Variants in SPIDR observed in about 807,000 individuals in gnomAD.
SPIDR encodes the protein DNA repair-scaffolding protein.
A neutral mutation model predicts 104.6 loss-of-function variants in SPIDR; 93 were observed. The ratio of observed to expected loss-of-function variants is 0.89; its 90% CI spans 0.75 to 1.06. The LOEUF is 1.06. Among genes scored for constraint, SPIDR ranks in the 50% least tolerant of loss-of-function variants. The probability of loss-of-function intolerance (pLI) is 0.00; values close to 1 mark genes in which losing one functional copy is unlikely to be tolerated. For missense variants in SPIDR, 1,154 were observed against 1,111.2 expected, an observed-to-expected ratio of 1.04 and a Z score of -0.55; for synonymous variants, 431 against 416.9, an observed-to-expected ratio of 1.03 and a Z score of -0.41.
At chr8:47,422,210 G>A (rs977488134) in intron 7 of SPIDR, among the ~76,000 whole-genome samples, 1 of 152,212 alleles carries the variant, frequency 6.6e-6, no homozygotes, top group Admixed American at 6.5e-5. Context: ...CCCAGAGGTG[G>A]AGTCTACAGA....
Position 47,280,236 on chromosome 8 carries a change from T to TTTTA in SPIDR, c.189+235_189+238dup, listed in dbSNP as rs1308444625. Among the ~76,000 whole-genome samples the TTTTA allele has an allele frequency of 5.2e-4, 78 of 151,404 alleles. No individual in the cohort carries two copies. The Middle Eastern group carries it at 0.01, about 20-fold the overall frequency. Reference sequence around the variant, plus strand: ...CTTTTTATTTTTTATTTTTTTTTTATTTTATTTATTTATTTATTTTTTTTG... The same window carrying TTTTA: ...CTTTTTATTTTTTATTTTTTTTTTATTTTATTTATTTATTTATTTATTTTTTTTG... On this transcript the variant is annotated intron_variant, in intron 2 of 19. Coordinates refer to ENST00000297423, the MANE Select transcript of SPIDR (RefSeq NM_001080394.4).
rs145018788 is a variant in SPIDR, at chr8:47,521,176, A to G, written c.1098-74635A>G. ...TCTGAACCCTTCCTTGTTTCTAGGG[A>G]GCTGTTCCAAGGCAAAGTTGAGGTC... On this transcript the variant is annotated intron_variant, in intron 8 of 19. Coordinates refer to ENST00000297423, the MANE Select transcript of SPIDR (RefSeq NM_001080394.4). Among the ~76,000 whole-genome samples, 463 of 152,278 alleles carry G rather than the reference A, an allele frequency of 3.0e-3. 1 individual carries two copies. Among genetic ancestry groups the G allele is most frequent in the African/African-American group, 0.011 (452 of 41,570 alleles).
intron 10 of SPIDR, among the ~76,000 whole-genome samples, chr8:47,640,028 T>C (rs936156806): frequency 3.9e-5 from 6 of 152,030 alleles, no homozygotes; most frequent in Non-Finnish European, 5.9e-5. Context: ...ACCAGAAATA[T>C]GGCAAGTCAG....
intron 4 of SPIDR, among the ~76,000 whole-genome samples, chr8:47,292,950 G>C (rs1297661339): frequency 6.6e-6 from 1 of 152,062 alleles, no homozygotes; most frequent in Non-Finnish European, 1.5e-5. Flanking sequence ...GAGGGCACTT[G>C]TGTTTTTCCC....
At chr8:47,692,323 A>G (rs1443392838) in intron 11 of SPIDR, among the ~76,000 whole-genome samples, 1 of 151,602 alleles carries the variant, frequency 6.6e-6, no homozygotes, top group Non-Finnish European at 1.5e-5. Flanking sequence ...GGAGCTCCGC[A>G]CTTTCTCTCC....
chr8:47,471,336 A>C (rs1393652257), intron 8 of SPIDR, among the ~76,000 whole-genome samples: 1 of 152,032 alleles, frequency 6.6e-6, no homozygotes, highest in Non-Finnish European at 1.5e-5. Context: ...AAAAAAAAAA[A>C]AAAAAACAGC....
At chr8:47,526,059 C>T (rs774030957) in intron 8 of SPIDR, among the ~76,000 whole-genome samples, 3 of 152,154 alleles carry the variant, frequency 2.0e-5, no homozygotes, top group East Asian at 1.9e-4. Context: ...TGTGTCCTTA[C>T]GAATCTTGTA....
chr8:47,304,880 T>A (rs1037743151), intron 5 of SPIDR, among the ~76,000 whole-genome samples: 1 of 152,228 alleles, frequency 6.6e-6, no homozygotes, highest in African/African-American at 2.4e-5. Flanking sequence ...ATGAATAGAT[T>A]AATATCATTA....
chr8:47,406,998 A>C (rs2062849866), intron 6 of SPIDR, among the ~76,000 whole-genome samples: 1 of 152,254 alleles, frequency 6.6e-6, no homozygotes, highest in African/African-American at 2.4e-5. Flanking sequence ...TATAGCATGT[A>C]GCTATAGTGG....
chr8:47,272,756 G>C (rs2154215600), intron 1 of SPIDR, among the ~76,000 whole-genome samples: 1 of 152,142 alleles, frequency 6.6e-6, no homozygotes, highest in Non-Finnish European at 1.5e-5. Context: ...GAGAAATTAG[G>C]CATGCGGACA....
intron 5 of SPIDR, among the ~76,000 whole-genome samples, chr8:47,305,124 G>A (rs987793181): frequency 6.6e-6 from 1 of 152,202 alleles, no homozygotes; most frequent in African/African-American, 2.4e-5. Context: ...AAAGCAAAGT[G>A]GACTAAGACA....
intron 11 of SPIDR, among the ~76,000 whole-genome samples, chr8:47,695,072 TC>T (rs1425982072): frequency 1.3e-5 from 2 of 152,156 alleles, no homozygotes; most frequent in African/African-American, 4.8e-5. Flanking sequence ...CTGCCTTCAG[TC>T]TGTTGTAATA....
chr8:47,671,151 C>T lies in SPIDR; in HGVS notation c.1545-2650C>T, dbSNP rs143854831. 2.0e-5 allele frequency among the ~76,000 whole-genome samples: 3 copies of T among 152,276 alleles called. No individual in the cohort carries two copies. The East Asian group carries it at 5.8e-4, about 29-fold the overall frequency. ...TCTCGAACTCCTAGACTCAAGTGAT[C>T]CTCTCGCCTCAGCCTCCCAAAGTGC... On this transcript the variant is annotated intron_variant, in intron 10 of 19. Coordinates refer to ENST00000297423, the MANE Select transcript of SPIDR (RefSeq NM_001080394.4).
chr8:47,279,931 G>A lies in SPIDR; in HGVS notation c.103G>A (p.Gly35Ser). 1 of 1,614,138 alleles carries A rather than the reference G, an allele frequency of 6.2e-7. No individual in the cohort carries two copies. Among genetic ancestry groups the A allele is most frequent in the Admixed American group, 1.7e-5 (1 of 60,024 alleles). The change falls in exon 2 of 20, where the codon GGT becomes AGT. Residue 35 changes from glycine to serine, a missense_variant. Transcript: ENST00000297423. ...AAGACCACTGCAGGTCAGAAGAGCA[G>A]GTCTCAGGACAGCAGGGGCAGCTGC... is the stretch of plus-strand genomic sequence containing the variant. ...GERPLQVRRA[G>S]LRTAGAAASL...
intron 10 of SPIDR, 117 bp from the exon 11 acceptor site, chr8:47,673,684 T>A: frequency 7.4e-7 from 1 of 1,357,086 alleles, no homozygotes; most frequent in Non-Finnish European, 1.0e-6. Flanking sequence ...TTTCTTTAAA[T>A]TATATTGACC....
intron 11 of SPIDR, among the ~76,000 whole-genome samples, chr8:47,686,711 C>G (rs1431316720): frequency 6.6e-6 from 1 of 152,138 alleles, no homozygotes; most frequent in Non-Finnish European, 1.5e-5. Flanking sequence ...TAGGGGAATT[C>G]ATTTCTATAA....
chr8:47,441,595 A>T (rs912307906), intron 8 of SPIDR, among the ~76,000 whole-genome samples: 1 of 151,362 alleles, frequency 6.6e-6, no homozygotes, highest in South Asian at 2.1e-4. Context: ...TTACGTTTTT[A>T]GGGGGCAGGG....
At chr8:47,579,972 A>G (rs866377510) in intron 8 of SPIDR, among the ~76,000 whole-genome samples, 11 of 152,236 alleles carry the variant, frequency 7.2e-5, no homozygotes, top group African/African-American at 2.4e-4. Flanking sequence ...CAGCCCTGTC[A>G]TGGACTAGGA....
chr8:47,563,435 A>G (rs555255985), intron 8 of SPIDR, among the ~76,000 whole-genome samples: 1 of 151,984 alleles, frequency 6.6e-6, no homozygotes, highest in South Asian at 2.1e-4. Flanking sequence ...GCCTCCCAAA[A>G]TGTTGGGATT....
Sources: gnomAD v4.1 joint callset for allele counts (sites outside exome capture counted in the v4.1 genomes callset) on GRCh38, gnomAD v4.1.1 for gene constraint, MANE v1.5 for transcripts, NCBI Gene and HGNC (gene_info 2026-07-23, HGNC 2026-07-21) for gene names.